Variants in PCDH11X observed in about 807,000 individuals in gnomAD.
PCDH11X encodes the protein protocadherin 11 X-linked, also known as protocadherin-11 X-linked.
Under a neutral mutation model 53.3 loss-of-function variants are expected in PCDH11X, and 18 were observed. The observed-to-expected ratio is 0.34, with a 90% CI of 0.23 to 0.50. PCDH11X has a LOEUF of 0.50. Among genes scored for constraint, PCDH11X ranks in the 20% least tolerant of loss-of-function variants. PCDH11X has a pLI of 0.98. For synonymous variants in PCDH11X, 279 were observed against 393.3 expected, an observed-to-expected ratio of 0.71 and a Z score of 3.44; for missense variants, 570 against 1,032.4, an observed-to-expected ratio of 0.55 and a Z score of 6.14.
At chrX:92,612,155 T>C (rs1033421999) in intron 10 of PCDH11X, among the ~76,000 whole-genome samples, 1 of 111,178 alleles carries the variant, frequency 9.0e-6, no homozygotes, top group Non-Finnish European at 1.9e-5. Flanking sequence ...TTTAAATAGT[T>C]TCAGTAGCAT....
intron 5 of PCDH11X, among the ~76,000 whole-genome samples, chrX:91,866,822 G>A (rs1020878536): frequency 9.0e-6 from 1 of 110,628 alleles, no homozygotes; most frequent in African/African-American, 3.3e-5. Flanking sequence ...ATCTTGCTCT[G>A]TCTTTCATTA....
intron 7 of PCDH11X, among the ~76,000 whole-genome samples, chrX:92,254,331 T>A (rs976309614): frequency 5.4e-5 from 6 of 111,154 alleles, no homozygotes; most frequent in African/African-American, 2.0e-4. Context: ...AGCCTATGTG[T>A]GTCTCTGCAC....
In PCDH11X at chrX:92,600,424, A is replaced by C. The variant is rs887750514; in HGVS notation, c.3368-17840A>C. On this transcript the variant is annotated intron_variant, in intron 10 of 10. Transcript: ENST00000682573. ...TTACAGCCATGGCTAAAGGGGGCCA[A>C]TGTACACCTCAAGCCATTGTTTCAG... Among the ~76,000 whole-genome samples, 8 of 111,122 alleles carry C rather than the reference A, an allele frequency of 7.2e-5. 1 individual carries two copies. Among genetic ancestry groups the C allele is most frequent in the African/African-American group, 2.3e-4 (7 of 30,384 alleles).
At chrX:92,574,855 C>G (rs1439717471) in intron 10 of PCDH11X, among the ~76,000 whole-genome samples, 7 of 110,767 alleles carry the variant, frequency 6.3e-5, no homozygotes, top group Non-Finnish European at 9.5e-5. Context: ...ACAAAAAATA[C>G]TGTGTGTTTG....
chrX:92,065,700 G>C (rs759303822), intron 6 of PCDH11X, among the ~76,000 whole-genome samples: 2 of 109,360 alleles, frequency 1.8e-5, no homozygotes, highest in South Asian at 7.7e-4. Context: ...TTTTTAATTG[G>C]ATTGTTAGAT....
At chrX:92,350,637 C>T (rs12850488) in intron 8 of PCDH11X, among the ~76,000 whole-genome samples, 9 of 111,575 alleles carry the variant, frequency 8.1e-5, no homozygotes, top group African/African-American at 1.6e-4. Flanking sequence ...ATCCACTTTC[C>T]TCAGGATGTC....
intron 6 of PCDH11X, among the ~76,000 whole-genome samples, chrX:92,015,608 A>G (rs1428994934): frequency 8.9e-6 from 1 of 112,153 alleles, no homozygotes; most frequent in Non-Finnish European, 1.9e-5. Flanking sequence ...TATCATTCAT[A>G]AGAAGCAACT....
intron 6 of PCDH11X, among the ~76,000 whole-genome samples, chrX:92,077,648 GGAAGGA>G (rs2063796292): frequency 1.9e-5 from 2 of 106,697 alleles, no homozygotes; most frequent in East Asian, 5.8e-4. Context: ...AAGGAAGGAA[GGAAGGA>G]AGGAAGGAAG....
At chrX:91,900,824 T>C (rs912975046) in intron 6 of PCDH11X, among the ~76,000 whole-genome samples, 1 of 111,505 alleles carries the variant, frequency 9.0e-6, no homozygotes, top group Non-Finnish European at 1.9e-5. Context: ...CATAAGCACA[T>C]GAAATCAAAT....
Position 92,200,883 on chromosome X carries a change from C to CTTTAT in PCDH11X, c.3034-450_3034-446dup, listed in dbSNP as rs72033591. Among the ~76,000 whole-genome samples, 419 of 91,862 alleles carry CTTTAT rather than the reference C, an allele frequency of 4.6e-3. 3 individuals are homozygous for CTTTAT. Among genetic ancestry groups the CTTTAT allele is most frequent in the South Asian group, 0.014 (25 of 1,734 alleles). 79.8% of individuals were successfully genotyped at this position (91,862 alleles called of 115,157 possible). ...GCCATTTAAATATTTTATTTTTTAT[C>CTTTAT]TTTATTTTATTTTATTTTATTTTAT... On this transcript the variant is annotated intron_variant, in intron 6 of 10. Coordinates refer to ENST00000682573, the MANE Select transcript of PCDH11X (RefSeq NM_032968.5).
At chrX:91,789,017 G>C (rs1334858393) in intron 1 of PCDH11X, among the ~76,000 whole-genome samples, 2 of 109,203 alleles carry the variant, frequency 1.8e-5, no homozygotes, top group Non-Finnish European at 3.8e-5. Flanking sequence ...GGCCAACATG[G>C]TGAAACCCCG....
chrX:92,107,023 C>T (rs1052830707), intron 6 of PCDH11X, among the ~76,000 whole-genome samples: 1 of 111,736 alleles, frequency 8.9e-6, no homozygotes, highest in Non-Finnish European at 1.9e-5. Flanking sequence ...AGGTCTCCAC[C>T]ACCCCTTAAC....
At chrX:91,863,199 G>T (rs914209019) in intron 5 of PCDH11X, among the ~76,000 whole-genome samples, 5 of 105,908 alleles carry the variant, frequency 4.7e-5, no homozygotes, top group Non-Finnish European at 7.8e-5. Flanking sequence ...TAAAAGTGGG[G>T]CATTGAAGTC....
intron 6 of PCDH11X, among the ~76,000 whole-genome samples, chrX:92,021,912 G>A (rs1416666254): frequency 9.2e-6 from 1 of 108,738 alleles, no homozygotes; most frequent in Non-Finnish European, 1.9e-5. Context: ...TTCATATCCA[G>A]CCAAACTAAG....
chrX:92,071,811 G>T (rs2148079749), intron 6 of PCDH11X, among the ~76,000 whole-genome samples: 1 of 112,010 alleles, frequency 8.9e-6, no homozygotes, highest in South Asian at 3.7e-4. Context: ...GTCTGCAACT[G>T]GAGGTGTGGT....
intron 6 of PCDH11X, among the ~76,000 whole-genome samples, chrX:92,100,469 TTGAGCCAGGA>T (rs2064221867): frequency 9.1e-6 from 1 of 110,223 alleles, no homozygotes; most frequent in African/African-American, 3.3e-5. Flanking sequence ...GGGGTGCTTT[TTGAGCCAGGA>T]TGAGCCAGGA....
intron 5 of PCDH11X, among the ~76,000 whole-genome samples, chrX:91,863,938 TACTG>T (rs1038043598): frequency 8.9e-5 from 10 of 112,006 alleles, no homozygotes; most frequent in African/African-American, 2.9e-4. Flanking sequence ...TTTGTTGCCG[TACTG>T]ACTATGTCTT....
At chrX:92,602,408 A>C (rs1926344746) in intron 10 of PCDH11X, among the ~76,000 whole-genome samples, 1 of 112,862 alleles carries the variant, frequency 8.9e-6, no homozygotes, top group African/African-American at 3.2e-5. Context: ...CAGAACCAAC[A>C]TCCAAATGTT....
intron 1 of PCDH11X, among the ~76,000 whole-genome samples, chrX:91,794,538 A>G (rs1314038325): frequency 8.9e-6 from 1 of 111,854 alleles, no homozygotes; most frequent in East Asian, 2.8e-4. Context: ...ACAAATTGTG[A>G]TGAGATATTC....
Sources: gnomAD v4.1 joint callset for allele counts (sites outside exome capture counted in the v4.1 genomes callset) on GRCh38, gnomAD v4.1.1 for gene constraint, MANE v1.5 for transcripts, NCBI Gene and HGNC (gene_info 2026-07-23, HGNC 2026-07-21) for gene names.